Variants in TMEM175 observed in about 807,000 individuals in gnomAD.
The protein encoded by TMEM175 is endosomal/lysosomal proton channel TMEM175.
TMEM175 carries 36 observed loss-of-function variants against 36.5 expected under a neutral mutation model. The ratio of observed to expected loss-of-function variants is 0.99; its 90% confidence interval spans 0.76 to 1.30. The LOEUF (loss-of-function observed/expected upper bound fraction) is 1.30. Ranked by LOEUF, TMEM175 falls within the 50% of genes most tolerant of loss-of-function variation. The pLI, the probability that TMEM175 is intolerant of heterozygous loss-of-function variation, is 0.00. For synonymous variants in TMEM175, 339 were observed against 313.4 expected, an observed-to-expected ratio of 1.08 and a Z score of -0.86; for missense variants, 705 against 692.8, an observed-to-expected ratio of 1.02 and a Z score of -0.20.
Position 958,222 on chromosome 4 carries a change from GGGAGCATGTGCTCATGTTCGCCAAGCT to G in TMEM175, c.1244_1270del (p.Glu415_Leu423del). The G allele has an allele frequency of 1.2e-6, 2 of 1,602,442 alleles. No homozygotes were observed. Among genetic ancestry groups the G allele is most frequent in the Non-Finnish European group, 1.7e-6 (2 of 1,176,402 alleles). On this transcript the variant is annotated inframe_deletion, in exon 11 of 11. Coordinates refer to ENST00000264771, the MANE Select transcript of TMEM175 (RefSeq NM_032326.4). ...CAGCCCTCGGTGTGGTTTGGCGGCCGGGAGCATGTGCTCATGTTCGCCAAGCTGGCGCTGTACCCCTGTGCCAGCCTG... is the reference window on the plus strand; with the variant it reads ...CAGCCCTCGGTGTGGTTTGGCGGCCGGGCGCTGTACCCCTGTGCCAGCCTG...
chr4:932,513 A>G lies in TMEM175; in HGVS notation c.-59A>G, dbSNP rs570832513. 8 of 463,678 alleles carry G rather than the reference A, an allele frequency of 1.7e-5. No homozygotes were observed. In the South Asian group the frequency reaches 3.3e-4, roughly 19 times the overall value. The allele number at this position is 463,678 out of a possible 1,614,324, so 28.7% of individuals were successfully genotyped here. On this transcript the variant is annotated 5_prime_UTR_variant, in exon 1 of 11. Transcript: ENST00000264771. This position sits in a 1 kb window ranked among gnomAD's most constrained non-coding sequence, Gnocchi z 4.0. ...GGCTGACTCAAGCGGAGGCGCGCGG[A>G]ACAGTCGCCGAGGCGATTCCCGCCC...
At chr4:957,751 C>A in intron 10 of TMEM175, 73 bp from the exon 11 acceptor site, 1 of 1,469,704 alleles carries the variant, frequency 6.8e-7, no homozygotes, top group South Asian at 1.3e-5. Flanking sequence ...CCCTGACAGG[C>A]GCTCAGCCAC....
intron 3 of TMEM175, among the ~76,000 whole-genome samples, chr4:949,754 C>A (rs1324474285): frequency 1.3e-5 from 2 of 152,022 alleles, no homozygotes; most frequent in African/African-American, 4.8e-5. Context: ...CCCACCGCGG[C>A]CCCCAGGGCA....
chr4:954,493 G>C (rs560306469), intron 8 of TMEM175, among the ~76,000 whole-genome samples: 1 of 148,330 alleles, frequency 6.7e-6, no homozygotes, highest in African/African-American at 2.5e-5. Context: ...GAGTGGCGCC[G>C]CTGTGAGCAC....
chr4:941,340 C>T (rs1221290020), intron 1 of TMEM175, among the ~76,000 whole-genome samples: 1 of 135,496 alleles, frequency 7.4e-6, no homozygotes, highest in Non-Finnish European at 1.5e-5. Flanking sequence ...CGTGCCATTG[C>T]ACTCCAGCCT....
In TMEM175 at chr4:949,892, G is replaced by A. The variant is rs892680862; in HGVS notation, c.193-529G>A. Among the ~76,000 whole-genome samples, 13 of 152,270 alleles carry A rather than the reference G, an allele frequency of 8.5e-5. No homozygotes were observed. In the South Asian group the frequency reaches 1.0e-3, roughly 12 times the overall value. ...CAACCTGTGTGTCCTTCCGAAGTCC[G>A]CATGCCGGACGCCTCACAGGGATGG... On this transcript the variant is annotated intron_variant, in intron 3 of 10. Transcript: ENST00000264771.
intron 1 of TMEM175, among the ~76,000 whole-genome samples, 158 bp from the exon 2 acceptor site, chr4:947,551 G>A (rs1728332647): frequency 6.6e-6 from 1 of 152,148 alleles, no homozygotes; most frequent in South Asian, 2.1e-4. Context: ...AATTTGAGGG[G>A]CACCTGGGAG....
chr4:937,237 G>A (rs971548374), intron 1 of TMEM175, among the ~76,000 whole-genome samples: 1 of 152,116 alleles, frequency 6.6e-6, no homozygotes, highest in Non-Finnish European at 1.5e-5. Flanking sequence ...TTAAAGCATT[G>A]AATTTATAGT....
intron 4 of TMEM175, 97 bp from the exon 5 acceptor site, chr4:951,110 A>G: frequency 8.5e-7 from 1 of 1,181,370 alleles, no homozygotes; most frequent in East Asian, 2.4e-5. Context: ...GACATCTTTT[A>G]ATGATGTTTT....
chr4:933,481 AAATAAT>A (rs578024483), intron 1 of TMEM175, among the ~76,000 whole-genome samples: 5 of 152,112 alleles, frequency 3.3e-5, no homozygotes, highest in South Asian at 2.1e-4. Flanking sequence ...CTCAAAAAAT[AAATAAT>A]AATAATAATA....
intron 8 of TMEM175, 53 bp from the exon 9 acceptor site, chr4:955,352 C>T (rs1729468975): frequency 2.1e-6 from 3 of 1,433,938 alleles, no homozygotes; most frequent in Admixed American, 1.7e-5. Flanking sequence ...GTGGGTAAGG[C>T]CTGGCCTCGG....
intron 3 of TMEM175, chr4:948,527 G>A (rs1728474985): frequency 3.3e-5 from 45 of 1,380,150 alleles, no homozygotes; most frequent in Non-Finnish European, 4.1e-5. Context: ...CAGCAGGCAG[G>A]CCCCTTACGT....
chr4:958,631 A>G lies in TMEM175; in HGVS notation c.*135A>G, dbSNP rs1711586610. On this transcript the variant is annotated 3_prime_UTR_variant, in exon 11 of 11. Transcript: ENST00000264771. ...CCTGGTTTTATTTTCATTGTGAAATATCATGCTCTTATTTCAGTCCTCAAA... is the reference window on the plus strand; with the variant it reads ...CCTGGTTTTATTTTCATTGTGAAATGTCATGCTCTTATTTCAGTCCTCAAA... The G allele has an allele frequency of 5.7e-6, 4 of 707,406 alleles. No individual in the cohort carries two copies. The highest frequency in any genetic ancestry group is 9.0e-6 in the Non-Finnish European group (4 of 442,032). 43.8% of individuals were successfully genotyped at this position (707,406 alleles called of 1,614,324 possible).
chr4:952,495 TG>T (rs770711520), intron 7 of TMEM175, 45 bp downstream of exon 7: 1 of 1,444,778 alleles, frequency 6.9e-7, no homozygotes, highest in Admixed American at 1.8e-5. Flanking sequence ...TGTGTGTGTG[TG>T]TGTGTGTGTG....
rs1200186022 is a variant in TMEM175, at chr4:943,260, AT to A, written c.-31-4442del. Among the ~76,000 whole-genome samples, 3 of 152,162 alleles carry A rather than the reference AT, an allele frequency of 2.0e-5. No individual in the cohort carries two copies. In the East Asian group the frequency reaches 5.8e-4, roughly 29 times the overall value. On this transcript the variant is annotated intron_variant, in intron 1 of 10. Transcript: ENST00000264771. The stretch of plus-strand genomic sequence containing the variant: ...TGAATTATTGATTTTTATTATTACT[AT>A]TTTTTTCCTAGACGGAGTCTTACTC...
chr4:934,051 A>G (rs947261191), intron 1 of TMEM175, among the ~76,000 whole-genome samples: 2 of 152,282 alleles, frequency 1.3e-5, no homozygotes, highest in African/African-American at 4.8e-5. Context: ...CAACAATGCC[A>G]TTATTCGGCC....
intron 7 of TMEM175, among the ~76,000 whole-genome samples, 154 bp downstream of exon 7, chr4:952,604 C>T (rs1177865486): frequency 2.4e-5 from 3 of 123,760 alleles, no homozygotes; most frequent in Admixed American, 1.7e-4. Context: ...CACCATCAGC[C>T]CTCTTGGGGC....
chr4:953,708 C>T (rs1005845208), intron 8 of TMEM175, among the ~76,000 whole-genome samples: 1 of 152,220 alleles, frequency 6.6e-6, no homozygotes, highest in African/African-American at 2.4e-5. Context: ...TTCATTGAGG[C>T]AAGATCTCGC....
At chr4:957,230 C>T (rs1577456195) in intron 10 of TMEM175, among the ~76,000 whole-genome samples, 1 of 151,986 alleles carries the variant, frequency 6.6e-6, no homozygotes, top group East Asian at 1.9e-4. Context: ...TCTGGGGCTG[C>T]ATGAGGACCA....
Sources: allele counts gnomAD v4.1 joint callset (sites outside exome capture counted in the v4.1 genomes callset), GRCh38; gene constraint gnomAD v4.1.1; non-coding constraint Gnocchi (gnomAD v3.1); transcripts MANE v1.5; gene names NCBI Gene and HGNC (gene_info 2026-07-23, HGNC 2026-07-21).